Variants in PLEKHG2 observed in about 807,000 individuals in gnomAD.
PLEKHG2 encodes the protein pleckstrin homology domain-containing family G member 2.
Under a neutral mutation model 104.4 loss-of-function variants are expected in PLEKHG2, and 71 were observed. The ratio of observed to expected loss-of-function variants is 0.68; its 90% confidence interval spans 0.56 to 0.83. PLEKHG2 has a LOEUF of 0.83. Ranked by LOEUF, PLEKHG2 falls within the 40% of genes least tolerant of loss-of-function variation. The pLI is 0.00. For synonymous variants in PLEKHG2, 728 were observed against 737.0 expected (o/e 0.99, Z 0.20); for missense variants, 1,730 against 1,809.4 (o/e 0.96, Z 0.80).
At chr19:39,418,445 G>C (rs1191125149) in intron 9 of PLEKHG2, among the ~76,000 whole-genome samples, 6 of 152,106 alleles carry the variant, frequency 3.9e-5, no homozygotes, top group Admixed American at 3.9e-4. Context: ...TGGACGTGGT[G>C]GCAAGTGCCT....
chr19:39,424,179 G>C lies in PLEKHG2; in HGVS notation c.3046G>C (p.Val1016Leu). ...GCAGGGACACTGTGCGGACATCCAC[G>C]TTCCCACCACTCCAGCTTTGCCCAA... ...PEQGHCADIH[V>L]PTTPALPKEI... Residue 1016 changes from valine (V) to leucine (L), a missense_variant, in exon 19 of 19, where the codon GTT becomes CTT. By Grantham distance (32) the Val-to-Leu change is conservative (BLOSUM62 1). Coordinates refer to ENST00000425673, the MANE Select transcript of PLEKHG2 (RefSeq NM_022835.3). The C allele has an allele frequency of 1.2e-6, 2 of 1,614,052 alleles. No individual in the cohort carries two copies. The highest frequency in any genetic ancestry group is 2.2e-5 in the South Asian group (2 of 91,070).
At chr19:39,422,377 C>A in intron 17 of PLEKHG2, 89 bp downstream of exon 17, 1 of 1,372,104 alleles carries the variant, frequency 7.3e-7, no homozygotes, top group Non-Finnish European at 9.8e-7. Flanking sequence ...ATGCTGATAC[C>A]TTTATTTTTT....
chr19:39,414,290 C>T, intron 2 of PLEKHG2, 95 bp downstream of exon 2: 4 of 1,279,786 alleles, frequency 3.1e-6, no homozygotes, highest in African/African-American at 1.5e-5. Flanking sequence ...CAGGCCAACT[C>T]GCACAAAGCT....
rs901118180 is a variant in PLEKHG2, at chr19:39,416,180, G to A, written c.480-168G>A. 2.6e-5 allele frequency among the ~76,000 whole-genome samples: 4 copies of A among 152,094 alleles called. No homozygotes were observed. The highest frequency in any genetic ancestry group is 1.9e-4 in the East Asian group (1 of 5,182). On this transcript the variant is annotated intron_variant, in intron 4 of 18. Coordinates refer to ENST00000425673, the MANE Select transcript of PLEKHG2 (RefSeq NM_022835.3). This position sits in a 1 kb window ranked among gnomAD's most constrained non-coding sequence, Gnocchi z 4.5. The stretch of plus-strand genomic sequence containing the variant: ...AAGTCTAAGCAGGTTACCATGCCCC[G>A]TGTAGCCCTCAGAGGACCCTTCCTC...
In PLEKHG2 at chr19:39,422,887, A is replaced by G. The variant is rs1361056071; in HGVS notation, c.1833A>G (p.Pro611=). 6.3e-7 allele frequency: 1 copy of G among 1,590,714 alleles called. No homozygotes were observed. The highest frequency in any genetic ancestry group is 8.6e-7 in the Non-Finnish European group (1 of 1,166,712). ...GLEMDERGPS[P]LHVLEGLESS... is the part of the protein sequence containing the mutation. The stretch of plus-strand genomic sequence containing the variant: ...AGATGGATGAACGGGGGCCTTCCCC[A>G]CTCCACGTCCTGGAAGGGCTCGAAA... Residue 611 remains proline, a synonymous_variant, in exon 18 of 19, where the codon CCA becomes CCG. Transcript: ENST00000425673.
In PLEKHG2 at chr19:39,425,837, A is replaced by G. The variant is rs191278982; in HGVS notation, c.*543A>G. 1.9e-5 allele frequency: 3 copies of G among 158,006 alleles called. No homozygotes were observed. The highest frequency in any genetic ancestry group is 6.5e-5 in the Admixed American group (1 of 15,406). The allele number at this position is 158,006 out of a possible 1,614,324, so 9.8% of individuals were successfully genotyped here. A position where few individuals can be genotyped will look rare whatever the true frequency, so the allele number is the denominator to read the frequency against. On this transcript the variant is annotated 3_prime_UTR_variant, in exon 19 of 19. Transcript: ENST00000425673. Reference sequence around the variant, plus strand: ...CACCTATCCATCTGGCTATTGCTCCATCTAGCTTTCCCGCTCCATCTACCC... The same window carrying G: ...CACCTATCCATCTGGCTATTGCTCCGTCTAGCTTTCCCGCTCCATCTACCC...
rs768273629 is a variant in PLEKHG2 at position 39,416,457 on chromosome 19, T to C, written c.546+43T>C. 8 of 1,580,790 alleles carry C rather than the reference T, an allele frequency of 5.1e-6. No homozygotes were observed. In the South Asian group the frequency reaches 7.8e-5, roughly 15 times the overall value. On this transcript the variant is annotated intron_variant, in intron 5 of 18. Transcript: ENST00000425673. The surrounding 1 kb of genome is among the most constrained non-coding windows in gnomAD (Gnocchi z 4.5). ...GGGCTCTCGGTCCTGGATGGGGCCT[T>C]TGTAGAGGGGGGAGAGCAGGCTTGG...
At position 39,423,713 on chromosome 19, in the gene PLEKHG2, G is replaced by C; in HGVS notation, c.2600-20G>C. On this transcript the variant is annotated intron_variant, in intron 18 of 18. Transcript: ENST00000425673. The stretch of plus-strand genomic sequence containing the variant: ...CCCGCTGGAGTAGTGGTCCTGACTC[G>C]ATCCTCTTTTCGCATTCAGGGCTCC... The C allele has an allele frequency of 2.5e-6, 4 of 1,597,864 alleles. No individual in the cohort carries two copies. Among genetic ancestry groups the C allele is most frequent in the South Asian group, 2.3e-5 (2 of 88,670 alleles).
chr19:39,423,652 A>C lies in PLEKHG2; in HGVS notation c.2598A>C (p.Pro866=). ...SPCLPQEQAE[P]GLLPAFGHVL... ...GTCTGCCCCAGGAGCAGGCAGAGCC[A>C]GGTGAGGTCCGGGTACGTGGTTGGC... Residue 866 remains proline (P), a splice_region_variant and synonymous_variant, in exon 18 of 19, where the codon CCA becomes CCC. Coordinates refer to ENST00000425673, the MANE Select transcript of PLEKHG2 (RefSeq NM_022835.3). 3 of 1,543,508 alleles carry C rather than the reference A, an allele frequency of 1.9e-6. No individual in the cohort carries two copies. The highest frequency in any genetic ancestry group is 2.6e-6 in the Non-Finnish European group (3 of 1,145,270).
At position 39,424,454 on chromosome 19, in the gene PLEKHG2, A is replaced by G; in HGVS notation, c.3321A>G (p.Pro1107=). The G allele has an allele frequency of 4.3e-6, 7 of 1,614,036 alleles. No homozygotes were observed. The highest frequency in any genetic ancestry group is 5.9e-6 in the Non-Finnish European group (7 of 1,179,990). The change falls in exon 19 of 19, where the codon CCA becomes CCG. Residue 1107 remains proline (P), a synonymous_variant. Coordinates refer to ENST00000425673, the MANE Select transcript of PLEKHG2 (RefSeq NM_022835.3). ...LPCHLPDLQI[P]GTSPLPAHGS... ...GTCACCTCCCAGACCTTCAGATTCC[A>G]GGTACCTCACCTTTGCCTGCACATG... is the stretch of plus-strand genomic sequence containing the variant.
At chr19:39,421,040 G>T (rs754397480) in intron 14 of PLEKHG2, 35 bp from the exon 15 acceptor site, 2 of 1,614,104 alleles carry the variant, frequency 1.2e-6, no homozygotes, top group South Asian at 2.2e-5. Context: ...CGGGGTGGGA[G>T]CTGGGCTCCT....
rs2078743808 is a variant in PLEKHG2, at chr19:39,423,993, C to A, written c.2860C>A (p.Pro954Thr). 6.2e-7 allele frequency: 1 copy of A among 1,614,172 alleles called. No individual in the cohort carries two copies. Residue 954 changes from proline to threonine, a missense_variant, in exon 19 of 19, where the codon CCT (proline) becomes ACT (threonine). Pro to Thr is a conservative substitution (Grantham distance 38, BLOSUM62 -1). Coordinates refer to ENST00000425673, the MANE Select transcript of PLEKHG2 (RefSeq NM_022835.3). ...GCATGTCCAGGCTCCAGCCGCCACA[C>A]CTTTGCCCAAGCAAGAAGGCCCCCT... ...SRHVQAPAAT[P>T]LPKQEGPLHL...
rs779416748 is a variant in PLEKHG2, at chr19:39,423,199, G to A, written c.2145G>A (p.Gly715=). 6.2e-7 allele frequency: 1 copy of A among 1,612,702 alleles called. No homozygotes were observed. The highest frequency in any genetic ancestry group is 8.5e-7 in the Non-Finnish European group (1 of 1,178,948). Reference sequence around the variant, plus strand: ...CCACCAGGAGAGAACTGTTTTCTGGGAGCAATCCTGGGAAACTGGGAGAGC... The same window carrying A: ...CCACCAGGAGAGAACTGTTTTCTGGAAGCAATCCTGGGAAACTGGGAGAGC... ...APATRRELFS[G]SNPGKLGEPP... The change falls in exon 18 of 19, where the codon GGG becomes GGA. Residue 715 remains glycine, a synonymous_variant. Coordinates refer to ENST00000425673, the MANE Select transcript of PLEKHG2 (RefSeq NM_022835.3).
chr19:39,414,360 G>A (rs1404316869), intron 2 of PLEKHG2, 165 bp downstream of exon 2: 6 of 669,704 alleles, frequency 9.0e-6, no homozygotes, highest in East Asian at 2.9e-5. Context: ...AGGGGGCAGC[G>A]CTGGGCAGAG....
At position 39,424,057 on chromosome 19, in the gene PLEKHG2, A is replaced by G; in HGVS notation, c.2924A>G (p.Gln975Arg). ...QVPALTTFSD[Q>R]GHPEIQVPAT... Reference sequence around the variant, plus strand: ...CCGGCTCTTACAACTTTCTCTGATCAAGGCCACCCAGAAATCCAAGTTCCA... The same window carrying G: ...CCGGCTCTTACAACTTTCTCTGATCGAGGCCACCCAGAAATCCAAGTTCCA... Residue 975 changes from glutamine (Q) to arginine (R), a missense_variant, in exon 19 of 19, where the codon CAA becomes CGA. Gln to Arg is a conservative substitution (Grantham distance 43). Transcript: ENST00000425673. 9.9e-6 allele frequency: 16 copies of G among 1,614,030 alleles called. No individual in the cohort carries two copies. The highest frequency in any genetic ancestry group is 4.4e-5 in the South Asian group (4 of 91,074).
At position 39,423,774 on chromosome 19, in the gene PLEKHG2, G is replaced by C; in HGVS notation, c.2641G>C (p.Ala881Pro). ...AFGHVLVCELAFPLTCAQESV... is the reference protein window; with the variant it reads ...AFGHVLVCELPFPLTCAQESV... Reference sequence around the variant, plus strand: ...TGGACACGTGCTGGTATGTGAGCTGGCCTTCCCACTGACATGTGCCCAGGA... The same window carrying C: ...TGGACACGTGCTGGTATGTGAGCTGCCCTTCCCACTGACATGTGCCCAGGA... Residue 881 changes from alanine to proline, a missense_variant, in exon 19 of 19, where the codon GCC becomes CCC. Physicochemically the swap from Ala to Pro is conservative, Grantham distance 27. Coordinates refer to ENST00000425673, the MANE Select transcript of PLEKHG2 (RefSeq NM_022835.3). 1 of 1,613,918 alleles carries C rather than the reference G, an allele frequency of 6.2e-7. No individual in the cohort carries two copies. Among genetic ancestry groups the C allele is most frequent in the Non-Finnish European group, 8.5e-7 (1 of 1,179,844 alleles).
In PLEKHG2 at chr19:39,420,802, C is replaced by G. The variant is rs1434490270; in HGVS notation, c.1349C>G (p.Ser450Cys). 4.3e-6 allele frequency: 7 copies of G among 1,614,038 alleles called. No individual in the cohort carries two copies. In the African/African-American group the frequency reaches 9.3e-5, roughly 22 times the overall value. ...VLEPLTPPLG[S>C]PRPRDARSFT... ...GAGCCCCTGACACCCCCACTTGGGT[C>G]TCCTCGACCTCGAGATGCTAGAAGT... is the stretch of plus-strand genomic sequence containing the variant. Residue 450 changes from serine (S) to cysteine (C), a missense_variant, in exon 13 of 19, where the codon TCT becomes TGT. Ser to Cys is a moderately radical substitution (Grantham distance 112). Transcript: ENST00000425673.
intron 7 of PLEKHG2, among the ~76,000 whole-genome samples, chr19:39,417,238 C>T (rs1412332027): frequency 1.3e-5 from 2 of 152,014 alleles, no homozygotes; most frequent in African/African-American, 2.4e-5. Context: ...CTGCAACCTC[C>T]ACCTCCTGGG....
rs185324063 is a variant in PLEKHG2, at chr19:39,420,189, G to A, written c.1264-437G>A. Among the ~76,000 whole-genome samples, 435 of 152,012 alleles carry A rather than the reference G, an allele frequency of 2.9e-3. 3 individuals are homozygous for A. Among genetic ancestry groups the A allele is most frequent in the African/African-American group, 1.0e-2 (414 of 41,448 alleles). ...AGCCTGGTCAACATGGTGAAACCCC[G>A]TCTCTACTAAAAACACAAAAATTAC... On this transcript the variant is annotated intron_variant, in intron 11 of 18. Transcript: ENST00000425673.
Sources: gnomAD v4.1 joint callset for allele counts (sites outside exome capture counted in the v4.1 genomes callset) on GRCh38, gnomAD v4.1.1 for gene constraint, Gnocchi (gnomAD v3.1) non-coding constraint, MANE v1.5 for transcripts, NCBI Gene and HGNC (gene_info 2026-07-23, HGNC 2026-07-21) for gene names.